GRIK2: variants seen among roughly 807,000 people sequenced by gnomAD.
GRIK2 encodes the protein glutamate receptor ionotropic, kainate 2.
In GRIK2, 32 loss-of-function variants were observed where a neutral mutation model predicts 100.3. That is an observed-to-expected ratio of 0.32 (90% CI 0.24 to 0.43). The LOEUF (loss-of-function observed/expected upper bound fraction) is 0.43. GRIK2 is among the 20% of genes least tolerant of loss of function. GRIK2 has a pLI of 1.00. For missense variants in GRIK2, 843 were observed against 1,114.9 expected (o/e 0.76, Z 3.47); for synonymous variants, 417 against 389.4 (o/e 1.07, Z -0.83).
intron 2 of GRIK2, among the ~76,000 whole-genome samples, chr6:101,572,464 T>G (rs1777584266): frequency 6.6e-6 from 1 of 152,148 alleles, no homozygotes; most frequent in Admixed American, 6.6e-5. Flanking sequence ...TTTAAATACT[T>G]GTGCTAAACT....
At chr6:101,617,637 A>G (rs1046062249) in intron 2 of GRIK2, among the ~76,000 whole-genome samples, 5 of 151,898 alleles carry the variant, frequency 3.3e-5, no homozygotes, top group African/African-American at 1.2e-4. Context: ...ATGCTGGTGT[A>G]TATAAAATTG....
intron 14 of GRIK2, among the ~76,000 whole-genome samples, chr6:101,932,417 TC>T (rs2128472974): frequency 6.6e-6 from 1 of 152,104 alleles, no homozygotes; most frequent in South Asian, 2.1e-4. Flanking sequence ...CCCATTATGC[TC>T]TTTTTTCATC....
At chr6:101,515,349 C>A (rs993865647) in intron 2 of GRIK2, among the ~76,000 whole-genome samples, 1 of 152,068 alleles carries the variant, frequency 6.6e-6, no homozygotes, top group Non-Finnish European at 1.5e-5. Flanking sequence ...CACAATTTTG[C>A]AGTTGTGAAT....
chr6:101,955,123 G>T (rs1406737198), intron 14 of GRIK2, among the ~76,000 whole-genome samples: 1 of 151,892 alleles, frequency 6.6e-6, no homozygotes, highest in Non-Finnish European at 1.5e-5. Context: ...GATACATTTT[G>T]CATCTATATT....
chr6:101,488,759 T>C (rs1483271930), intron 2 of GRIK2, among the ~76,000 whole-genome samples: 1 of 146,704 alleles, frequency 6.8e-6, no homozygotes, highest in Non-Finnish European at 1.5e-5. Flanking sequence ...TGCTTCTATT[T>C]AATTTTCAAA....
At chr6:101,997,263 G>T (rs915259271) in intron 14 of GRIK2, among the ~76,000 whole-genome samples, 1 of 151,812 alleles carries the variant, frequency 6.6e-6, no homozygotes, top group Non-Finnish European at 1.5e-5. Flanking sequence ...TTGAAAAATA[G>T]TTTTAAAAAT....
In GRIK2 at chr6:101,696,479, A is replaced by G. The variant is rs11753310; in HGVS notation, c.951+10126A>G. Among the ~76,000 whole-genome samples, 1,092 of 152,096 alleles carry G rather than the reference A, an allele frequency of 7.2e-3. 7 individuals are homozygous for G. The highest frequency in any genetic ancestry group is 0.013 in the Non-Finnish European group (863 of 67,914). On this transcript the variant is annotated intron_variant, in intron 7 of 16. Transcript: ENST00000369134. ...ACTCTGTTATTAGAAATAAGAGTAT[A>G]TGCATATATAAAGAATATGAATTTT...
At chr6:101,466,400 A>G (rs1404637545) in intron 2 of GRIK2, among the ~76,000 whole-genome samples, 1 of 151,856 alleles carries the variant, frequency 6.6e-6, no homozygotes, top group Non-Finnish European at 1.5e-5. Flanking sequence ...ATTGTCAGGA[A>G]CATTTCAATG....
chr6:101,768,009 C>T (rs1217588837), intron 7 of GRIK2, among the ~76,000 whole-genome samples: 1 of 152,020 alleles, frequency 6.6e-6, no homozygotes, highest in Non-Finnish European at 1.5e-5. Context: ...CAGGCATGCG[C>T]TACCATGCCT....
At chr6:101,566,366 A>G (rs1374267900) in intron 2 of GRIK2, among the ~76,000 whole-genome samples, 1 of 152,100 alleles carries the variant, frequency 6.6e-6, no homozygotes, top group East Asian at 1.9e-4. Context: ...CTGAGGGAAT[A>G]CTATGTGGAA....
intron 2 of GRIK2, among the ~76,000 whole-genome samples, chr6:101,535,016 C>T (rs911192144): frequency 5.9e-5 from 9 of 151,776 alleles, no homozygotes; most frequent in Admixed American, 4.6e-4. Flanking sequence ...TGTGCTACAT[C>T]ATTAACGTAT....
chr6:101,773,615 T>C (rs1179734356), intron 7 of GRIK2, among the ~76,000 whole-genome samples: 1 of 152,116 alleles, frequency 6.6e-6, no homozygotes, highest in East Asian at 1.9e-4. Context: ...CTGTCCCATC[T>C]AAATTGATAT....
chr6:101,975,000 A>G (rs114100230), intron 14 of GRIK2, among the ~76,000 whole-genome samples: 2,471 of 152,102 alleles, frequency 0.016, 71 homozygotes, highest in African/African-American at 0.057. Flanking sequence ...AAAAAATCTT[A>G]TATAGAAATA....
At chr6:102,064,669 A>G (rs1252282446) in intron 16 of GRIK2, among the ~76,000 whole-genome samples, 1 of 151,300 alleles carries the variant, frequency 6.6e-6, no homozygotes, top group Non-Finnish European at 1.5e-5. Context: ...TAAAAGTTAG[A>G]CACAGTAAAT....
At chr6:101,613,685 C>T (rs1488538912) in intron 2 of GRIK2, among the ~76,000 whole-genome samples, 1 of 150,792 alleles carries the variant, frequency 6.6e-6, no homozygotes, top group African/African-American at 2.4e-5. Flanking sequence ...ATGGAGCTGG[C>T]CACTCTCTCA....
chr6:101,894,388 T>C (rs1363031220), intron 12 of GRIK2, among the ~76,000 whole-genome samples: 1 of 151,756 alleles, frequency 6.6e-6, no homozygotes, highest in Non-Finnish European at 1.5e-5. Context: ...CATGCTTATC[T>C]GAATTAGCTC....
intron 2 of GRIK2, among the ~76,000 whole-genome samples, chr6:101,550,148 A>G (rs1012494070): frequency 3.3e-5 from 5 of 152,246 alleles, no homozygotes; most frequent in Admixed American, 3.3e-4. Flanking sequence ...TTTTACTAGC[A>G]GGAGAATAGG....
intron 2 of GRIK2, among the ~76,000 whole-genome samples, chr6:101,594,915 G>A (rs566291408): frequency 6.6e-6 from 1 of 151,296 alleles, no homozygotes; most frequent in Admixed American, 6.6e-5. Flanking sequence ...TATACTTTAA[G>A]GGAGAATAAA....
chr6:101,814,986 T>A (rs1781549145), intron 9 of GRIK2, among the ~76,000 whole-genome samples: 1 of 152,226 alleles, frequency 6.6e-6, no homozygotes, highest in Non-Finnish European at 1.5e-5. Flanking sequence ...TAATCTTCAC[T>A]ATAGTTTATG....
Sources: allele counts gnomAD v4.1 joint callset (sites outside exome capture counted in the v4.1 genomes callset), GRCh38; gene constraint gnomAD v4.1.1; transcripts MANE v1.5; gene names NCBI Gene and HGNC (gene_info 2026-07-23, HGNC 2026-07-21).